RAD51B: variants seen among roughly 807,000 people sequenced by gnomAD.
The protein encoded by RAD51B is RAD51 paralog B, also known as DNA repair protein RAD51 homolog 2.
A neutral mutation model predicts 42.2 loss-of-function variants in RAD51B; 38 were observed. The observed-to-expected ratio is 0.90, with a 90% confidence interval of 0.70 to 1.18. The LOEUF (loss-of-function observed/expected upper bound fraction) is 1.18. Ranked by LOEUF, RAD51B falls within the 50% of genes most tolerant of loss-of-function variation. The pLI, the probability that RAD51B is intolerant of heterozygous loss-of-function variation, is 0.00. For missense variants in RAD51B, 373 were observed against 400.7 expected (o/e 0.93, Z 0.59); for synonymous variants, 154 against 145.2 (o/e 1.06, Z -0.43).
rs139074314 is a variant in RAD51B at position 68,303,379 on chromosome 14, G to A, written c.853+11399G>A. Reference sequence around the variant, plus strand: ...TGTAGATGACAGGTTGACGGGTGCAGCAAACCACCATGGCACATGTATACC... The same window carrying A: ...TGTAGATGACAGGTTGACGGGTGCAACAAACCACCATGGCACATGTATACC... On this transcript the variant is annotated intron_variant, in intron 8 of 10. Transcript: ENST00000471583. 2.8e-3 allele frequency among the ~76,000 whole-genome samples: 420 copies of A among 150,234 alleles called. 11 individuals are homozygous for A. In the East Asian group the frequency reaches 0.046, roughly 16 times the overall value.
chr14:68,279,504 G>A (rs374069966), intron 7 of RAD51B, among the ~76,000 whole-genome samples: 99 of 152,272 alleles, frequency 6.5e-4, no homozygotes, highest in Middle Eastern at 3.4e-3. Context: ...GTTACCAGTC[G>A]TTAAACAGCC....
chr14:68,497,735 T>C (rs1028613905), intron 10 of RAD51B: 4 of 231,296 alleles, frequency 1.7e-5, no homozygotes, highest in Non-Finnish European at 2.5e-5. Context: ...TTTGTTGCTA[T>C]GGCTTTACCT....
At chr14:67,822,033 T>G (rs548282136) in intron 1 of RAD51B, 15 of 152,268 alleles carry the variant, frequency 9.9e-5, no homozygotes, top group African/African-American at 3.6e-4. Context: ...TTCAGTCTGA[T>G]TCAGAGAATT....
At chr14:68,035,759 T>G (rs2076111384) in intron 7 of RAD51B, among the ~76,000 whole-genome samples, 1 of 152,188 alleles carries the variant, frequency 6.6e-6, no homozygotes, top group South Asian at 2.1e-4. Flanking sequence ...GAAGACTATT[T>G]TTTAATACTA....
intron 8 of RAD51B, among the ~76,000 whole-genome samples, chr14:68,391,441 G>A (rs2083756499): frequency 1.3e-5 from 2 of 152,070 alleles, no homozygotes; most frequent in South Asian, 4.1e-4. Flanking sequence ...AATGGGATCT[G>A]AATTATTACC....
At chr14:68,120,265 A>G (rs1266413919) in intron 7 of RAD51B, among the ~76,000 whole-genome samples, 4 of 151,866 alleles carry the variant, frequency 2.6e-5, no homozygotes, top group East Asian at 3.9e-4. Flanking sequence ...CCTATTTTGT[A>G]GGTTGCCTGT....
At chr14:68,597,130 G>T (rs571413642), downstream of RAD51B, among the ~76,000 whole-genome samples, 124 of 152,312 alleles carry the variant, frequency 8.1e-4, no homozygotes, top group African/African-American at 2.7e-3. Context: ...CCTGTTCCTG[G>T]AATTTTTTAC....
intron 7 of RAD51B, among the ~76,000 whole-genome samples, chr14:67,899,128 C>T (rs1033615056): frequency 4.6e-5 from 7 of 151,996 alleles, no homozygotes; most frequent in East Asian, 1.9e-4. Flanking sequence ...CTGCAACCTC[C>T]GCCTCCCGGG....
At chr14:68,540,668 G>A (rs1232579543) in intron 10 of RAD51B, 14 of 985,392 alleles carry the variant, frequency 1.4e-5, no homozygotes, top group Non-Finnish European at 1.7e-5. Flanking sequence ...AAACACACAA[G>A]GGGACCCTAA....
intron 7 of RAD51B, among the ~76,000 whole-genome samples, chr14:68,182,267 A>T (rs929443495): frequency 6.6e-6 from 1 of 152,192 alleles, no homozygotes; most frequent in African/African-American, 2.4e-5. Flanking sequence ...TACTTTTTCC[A>T]ATTTTGACTG....
At chr14:68,362,001 A>G (rs1233193163) in intron 8 of RAD51B, among the ~76,000 whole-genome samples, 1 of 152,118 alleles carries the variant, frequency 6.6e-6, no homozygotes, top group Non-Finnish European at 1.5e-5. Context: ...AGTCGCCCCA[A>G]AGAAATTAGG....
At chr14:68,454,267 G>T (rs1355314614) in intron 9 of RAD51B, among the ~76,000 whole-genome samples, 1 of 152,098 alleles carries the variant, frequency 6.6e-6, no homozygotes, top group Non-Finnish European at 1.5e-5. Context: ...TTACATTTTG[G>T]CTTAGGAGAC....
At chr14:68,306,809 G>A (rs138469231) in intron 8 of RAD51B, among the ~76,000 whole-genome samples, 13 of 152,300 alleles carry the variant, frequency 8.5e-5, no homozygotes, top group South Asian at 4.1e-4. Flanking sequence ...GGGAGAATGC[G>A]TTGACCTCTG....
At chr14:68,008,437 A>G (rs2075627336) in intron 7 of RAD51B, among the ~76,000 whole-genome samples, 1 of 151,970 alleles carries the variant, frequency 6.6e-6, no homozygotes, top group South Asian at 2.1e-4. Flanking sequence ...CACAGAAATA[A>G]GAGTGAAAAT....
At chr14:68,650,173 C>T (rs532332532) in intron 10 of RAD51B, among the ~76,000 whole-genome samples, 2 of 152,354 alleles carry the variant, frequency 1.3e-5, no homozygotes, top group East Asian at 3.9e-4. Flanking sequence ...ATGCTAAAAA[C>T]TACCCAAGGA....
chr14:68,057,541 T>C (rs907597016), intron 7 of RAD51B, among the ~76,000 whole-genome samples: 1 of 152,106 alleles, frequency 6.6e-6, no homozygotes, highest in Admixed American at 6.5e-5. Flanking sequence ...GTCCTAGAAT[T>C]ATTATTTAAT....
intron 8 of RAD51B, among the ~76,000 whole-genome samples, chr14:68,374,900 G>A (rs975923778): frequency 2.6e-5 from 4 of 151,332 alleles, no homozygotes; most frequent in African/African-American, 9.7e-5. Context: ...GTCCCATGTC[G>A]AAAGTGAGGT....
chr14:68,068,292 A>G (rs1457976585), intron 7 of RAD51B, among the ~76,000 whole-genome samples: 1 of 132,278 alleles, frequency 7.6e-6, no homozygotes, highest in Admixed American at 7.0e-5. Flanking sequence ...CTTCTCTCTC[A>G]CCCCTGGCAA....
At chr14:68,136,343 AGGCGG>A (rs2078009033) in intron 7 of RAD51B, among the ~76,000 whole-genome samples, 5 of 140,552 alleles carry the variant, frequency 3.6e-5, no homozygotes, top group Non-Finnish European at 8.0e-5. Context: ...TGGGAGGCCA[AGGCGG>A]GCGGGTGGAT....
Sources: allele counts gnomAD v4.1 joint callset (sites outside exome capture counted in the v4.1 genomes callset), GRCh38; gene constraint gnomAD v4.1.1; transcripts MANE v1.5; gene names NCBI Gene and HGNC (gene_info 2026-07-23, HGNC 2026-07-21).